The following PLEKHG1 variants were observed in gnomAD, a reference collection of about 807,000 sequenced individuals.
PLEKHG1 encodes the protein pleckstrin homology domain-containing family G member 1.
PLEKHG1 carries 44 observed loss-of-function variants against 100.8 expected under a neutral mutation model. That is an observed-to-expected ratio of 0.44 (90% CI 0.34 to 0.56). The LOEUF is 0.56. Ranked by LOEUF, PLEKHG1 falls within the 20% of genes least tolerant of loss-of-function variation. PLEKHG1 has a pLI of 0.01. For synonymous variants in PLEKHG1, 640 were observed against 662.5 expected, an observed-to-expected ratio of 0.97 and a Z score of 0.52; for missense variants, 1,545 against 1,720.9, an observed-to-expected ratio of 0.90 and a Z score of 1.81.
intron 1 of PLEKHG1, among the ~76,000 whole-genome samples, chr6:150,603,109 G>T (rs371493974): frequency 3.0e-4 from 41 of 134,894 alleles, no homozygotes; most frequent in East Asian, 2.2e-4. Context: ...AAAAAGAAAA[G>T]AAAAAATTAT....
intron 1 of PLEKHG1, among the ~76,000 whole-genome samples, chr6:150,725,286 C>T (rs1205831808): frequency 1.3e-5 from 2 of 152,168 alleles, no homozygotes; most frequent in African/African-American, 4.8e-5. Context: ...CATCTCCCAA[C>T]AGCCCCCCCT....
intron 2 of PLEKHG1, among the ~76,000 whole-genome samples, chr6:150,746,392 C>T (rs1286741978): frequency 6.6e-6 from 1 of 152,200 alleles, no homozygotes; most frequent in Non-Finnish European, 1.5e-5. Flanking sequence ...GGTTTCACCG[C>T]TTCTTCCTCC....
chr6:150,755,593 G>A (rs999131126), intron 2 of PLEKHG1, among the ~76,000 whole-genome samples: 1 of 152,208 alleles, frequency 6.6e-6, no homozygotes, highest in Non-Finnish European at 1.5e-5. Context: ...GACCATGTGT[G>A]CAGTTTAACC....
In PLEKHG1 at chr6:150,640,676, G is replaced by A. The variant is rs75367273; in HGVS notation, c.-158+2551G>A. ...GTGTAAGATACATGGTGTTTCACTC[G>A]TCGCCCTGAACTGTTTCCACTTTAG... On this transcript the variant is annotated intron_variant, in intron 2 of 3. Transcript: ENST00000367326. Among the ~76,000 whole-genome samples the A allele has an allele frequency of 3.6e-3, 550 of 152,098 alleles. 3 individuals are homozygous for A. The highest frequency in any genetic ancestry group is 0.013 in the African/African-American group (529 of 41,480).
At chr6:150,752,251 A>G (rs957847624) in intron 2 of PLEKHG1, among the ~76,000 whole-genome samples, 3 of 152,236 alleles carry the variant, frequency 2.0e-5, no homozygotes, top group Non-Finnish European at 4.4e-5. Context: ...GTTTTTAATT[A>G]TAATGAACTT....
chr6:150,747,632 C>T (rs1783234736), intron 2 of PLEKHG1, among the ~76,000 whole-genome samples: 1 of 152,012 alleles, frequency 6.6e-6, no homozygotes, highest in Admixed American at 6.6e-5. Flanking sequence ...GTGGCTCACA[C>T]CTCTGTAACC....
chr6:150,804,387 T>C (rs186979726), intron 6 of PLEKHG1, among the ~76,000 whole-genome samples: 53 of 150,536 alleles, frequency 3.5e-4, no homozygotes, highest in African/African-American at 1.2e-3. Context: ...GGTTTCACCA[T>C]GTTGGCCAGA....
At chr6:150,699,868 T>A (rs1322381548) in intron 3 of PLEKHG1, among the ~76,000 whole-genome samples, 1 of 152,238 alleles carries the variant, frequency 6.6e-6, no homozygotes, top group Non-Finnish European at 1.5e-5. Flanking sequence ...AATTGTCTGA[T>A]CGTCCTTCCC....
chr6:150,699,603 G>A (rs747114465), intron 3 of PLEKHG1, among the ~76,000 whole-genome samples: 1 of 152,208 alleles, frequency 6.6e-6, no homozygotes, highest in Non-Finnish European at 1.5e-5. Flanking sequence ...GAGAACAAGC[G>A]ATGTTCTATG....
At chr6:150,655,744 A>G (rs1459383494) in intron 3 of PLEKHG1, among the ~76,000 whole-genome samples, 2 of 151,680 alleles carry the variant, frequency 1.3e-5, no homozygotes, top group African/African-American at 4.8e-5. Flanking sequence ...AATGTGACAA[A>G]TATACACCAT....
At chr6:150,834,313 G>T (rs1170564265) in intron 15 of PLEKHG1, among the ~76,000 whole-genome samples, 4 of 152,188 alleles carry the variant, frequency 2.6e-5, no homozygotes, top group African/African-American at 4.8e-5. Context: ...GACAATTTTG[G>T]TGGGGTAGGG....
chr6:150,796,461 T>C (rs1327293227), intron 5 of PLEKHG1, among the ~76,000 whole-genome samples: 1 of 152,158 alleles, frequency 6.6e-6, no homozygotes, highest in Non-Finnish European at 1.5e-5. Flanking sequence ...AAGGGCAGTG[T>C]AGGAAGCATC....
intron 3 of PLEKHG1, among the ~76,000 whole-genome samples, chr6:150,708,261 C>T (rs191564506): frequency 6.6e-6 from 1 of 152,258 alleles, no homozygotes; most frequent in East Asian, 1.9e-4. Context: ...TTGCCACATA[C>T]TAAATCAGAA....
At chr6:150,712,008 A>G (rs1781257581) in intron 3 of PLEKHG1, among the ~76,000 whole-genome samples, 1 of 152,200 alleles carries the variant, frequency 6.6e-6, no homozygotes, top group Admixed American at 6.5e-5. Context: ...AGTTAGTGTG[A>G]CATTGCATCA....
At chr6:150,744,442 A>AG (rs1783042733) in intron 2 of PLEKHG1, among the ~76,000 whole-genome samples, 1 of 152,206 alleles carries the variant, frequency 6.6e-6, no homozygotes, top group Admixed American at 6.5e-5. Context: ...GGGCACCAGA[A>AG]GAAAAAGTAG....
intron 6 of PLEKHG1, among the ~76,000 whole-genome samples, chr6:150,801,801 C>T (rs1305454608): frequency 6.6e-6 from 1 of 151,972 alleles, no homozygotes; most frequent in African/African-American, 2.4e-5. Context: ...AGTATTACCG[C>T]AAGTAATTTT....
chr6:150,704,470 G>T (rs1780925349), intron 3 of PLEKHG1, among the ~76,000 whole-genome samples: 1 of 152,156 alleles, frequency 6.6e-6, no homozygotes, highest in Admixed American at 6.5e-5. Context: ...TGTCATCCTT[G>T]ACCCCATCAA....
intron 2 of PLEKHG1, among the ~76,000 whole-genome samples, chr6:150,749,855 C>T (rs1783392059): frequency 1.3e-5 from 2 of 152,016 alleles, no homozygotes; most frequent in Admixed American, 6.6e-5. Flanking sequence ...GGGTGGATCA[C>T]GAGGTCAGGA....
chr6:150,684,687 T>C (rs193088817), intron 3 of PLEKHG1, among the ~76,000 whole-genome samples: 1 of 152,102 alleles, frequency 6.6e-6, no homozygotes, highest in Non-Finnish European at 1.5e-5. Flanking sequence ...AGGAGGGTGT[T>C]AGTAGATTTT....
Sources: allele counts gnomAD v4.1 joint callset (sites outside exome capture counted in the v4.1 genomes callset), GRCh38; gene constraint gnomAD v4.1.1; transcripts MANE v1.5; gene names NCBI Gene and HGNC (gene_info 2026-07-23, HGNC 2026-07-21).